PLEKHG1: variants seen among roughly 807,000 people sequenced by gnomAD.
The protein encoded by PLEKHG1 is pleckstrin homology and RhoGEF domain containing G1.
PLEKHG1 carries 44 observed loss-of-function variants against 100.8 expected under a neutral mutation model. That is an observed-to-expected ratio of 0.44 (90% CI 0.34 to 0.56). The LOEUF is 0.56. Among genes scored for constraint, PLEKHG1 ranks in the 20% least tolerant of loss-of-function variants. The pLI is 0.01. For synonymous variants in PLEKHG1, 640 were observed against 662.5 expected (o/e 0.97, Z 0.52); for missense variants, 1,545 against 1,720.9 (o/e 0.90, Z 1.81).
chr6:150,602,949 C>T (rs1776414698), intron 1 of PLEKHG1, among the ~76,000 whole-genome samples: 1 of 151,664 alleles, frequency 6.6e-6, no homozygotes, highest in Admixed American at 6.6e-5. Context: ...GGCGAGGTGG[C>T]GGGCACCTGT....
chr6:150,763,114 G>A lies in PLEKHG1; in HGVS notation c.412-5524G>A, dbSNP rs571329276. On this transcript the variant is annotated intron_variant, in intron 2 of 15. Transcript: ENST00000358517. The stretch of plus-strand genomic sequence containing the variant: ...ACAATCTCAACTCACTGCAACCTCC[G>A]CATCCCAGGTTCAAGCAATTCCCCT... Among the ~76,000 whole-genome samples the A allele has an allele frequency of 4.5e-5, 6 of 132,830 alleles. No homozygotes were observed. The East Asian group carries it at 7.2e-4, about 16-fold the overall frequency. The allele number at this position is 132,830 out of a possible 152,430, so 87.1% of individuals were successfully genotyped here.
chr6:150,655,171 T>C (rs554120948), intron 3 of PLEKHG1, among the ~76,000 whole-genome samples: 106 of 152,376 alleles, frequency 7.0e-4, no homozygotes, highest in African/African-American at 2.4e-3. Context: ...GGAATGCTTT[T>C]ACACTGCTGG....
At chr6:150,724,456 C>T (rs553002652) in intron 1 of PLEKHG1, among the ~76,000 whole-genome samples, 67 of 152,264 alleles carry the variant, frequency 4.4e-4, no homozygotes, top group African/African-American at 5.3e-4. Context: ...TCATCCCCCA[C>T]ACTAAGTCAC....
intron 2 of PLEKHG1, among the ~76,000 whole-genome samples, chr6:150,645,249 T>A (rs1373396577): frequency 6.6e-6 from 1 of 152,136 alleles, no homozygotes; most frequent in East Asian, 1.9e-4. Context: ...GACTCTGGGG[T>A]AATTGGTTAT....
chr6:150,827,974 A>T (rs554315907), intron 14 of PLEKHG1: 48 of 1,612,446 alleles, frequency 3.0e-5, no homozygotes, highest in Non-Finnish European at 4.0e-5. Flanking sequence ...GATTATGTTC[A>T]AGAAGTTACC....
At chr6:150,726,848 A>G (rs7755981) in intron 1 of PLEKHG1, among the ~76,000 whole-genome samples, 27,251 of 152,144 alleles carry the variant, frequency 0.18, 3,755 homozygotes, top group African/African-American at 0.38. Context: ...TATTGCTGTG[A>G]GGGAATAAAA....
chr6:150,840,777 T>C, exon 16 of PLEKHG1: 1 of 1,614,124 alleles, frequency 6.2e-7, no homozygotes, highest in Non-Finnish European at 8.5e-7. Context: ...TCTGACACCA[T>C]ATAATGATTC....
At chr6:150,837,212 A>G (rs759963125) in intron 15 of PLEKHG1, among the ~76,000 whole-genome samples, 30 of 151,902 alleles carry the variant, frequency 2.0e-4, no homozygotes, top group Admixed American at 3.3e-4. Flanking sequence ...AATTAGCAAC[A>G]CAGCAATACA....
chr6:150,652,492 G>T (rs1446031307), intron 3 of PLEKHG1, among the ~76,000 whole-genome samples: 1 of 152,080 alleles, frequency 6.6e-6, no homozygotes, highest in Non-Finnish European at 1.5e-5. Flanking sequence ...GGAGGCCGAG[G>T]GGGGTGGATC....
intron 15 of PLEKHG1, 48 bp downstream of exon 16, chr6:150,832,253 C>A: frequency 6.9e-7 from 1 of 1,455,320 alleles, no homozygotes; most frequent in Non-Finnish European, 9.2e-7. Context: ...GAGGGGAGAG[C>A]GGTTTTCAGA....
At chr6:150,610,371 G>T (rs1349966226) in intron 1 of PLEKHG1, among the ~76,000 whole-genome samples, 1 of 152,168 alleles carries the variant, frequency 6.6e-6, no homozygotes, top group African/African-American at 2.4e-5. Context: ...CGAAGTGTTG[G>T]GATTACAGGT....
intron 3 of PLEKHG1, among the ~76,000 whole-genome samples, chr6:150,783,766 T>C (rs1785457130): frequency 6.6e-6 from 1 of 152,228 alleles, no homozygotes; most frequent in Non-Finnish European, 1.5e-5. Flanking sequence ...TTTTATTATG[T>C]TTTGTTTGCC....
chr6:150,703,611 A>AAAC (rs1478589753), intron 3 of PLEKHG1, among the ~76,000 whole-genome samples: 15 of 149,270 alleles, frequency 1.0e-4, no homozygotes, highest in African/African-American at 3.5e-4. Flanking sequence ...AAAAAAAAAA[A>AAAC]AAACAAAACA....
At position 150,831,403 on chromosome 6, in the gene PLEKHG1, G is replaced by T. The variant is rs774155461; in HGVS notation, c.2292G>T (p.Lys764Asn). 6.2e-7 allele frequency: 1 copy of T among 1,614,142 alleles called. No homozygotes were observed. Among genetic ancestry groups the T allele is most frequent in the Non-Finnish European group, 8.5e-7 (1 of 1,180,044 alleles). Residue 764 changes from lysine to asparagine, a missense_variant, in exon 15 of 16, where the codon AAG becomes AAT. By Grantham distance (94) the Lys-to-Asn change is moderately conservative. Coordinates refer to ENST00000358517, the Ensembl canonical transcript of PLEKHG1. The surrounding 1 kb of genome is among the most constrained non-coding windows in gnomAD (Gnocchi z 4.1). ...AGTGCAGCAGCCTAAAGCGTGCAAAGCGGAGCACCTTTTTGGGTCTGGAGG... is the reference window on the plus strand; with the variant it reads ...AGTGCAGCAGCCTAAAGCGTGCAAATCGGAGCACCTTTTTGGGTCTGGAGG...
chr6:150,791,415 A>G (rs1253188323), intron 4 of PLEKHG1, among the ~76,000 whole-genome samples: 3 of 152,130 alleles, frequency 2.0e-5, no homozygotes, highest in Non-Finnish European at 2.9e-5. Context: ...TAATCTCAGC[A>G]CTTTGGGAGG....
At chr6:150,714,615 T>A (rs75760189) in intron 3 of PLEKHG1, among the ~76,000 whole-genome samples, 3,223 of 152,294 alleles carry the variant, frequency 0.021, 126 homozygotes, top group African/African-American at 0.073. Flanking sequence ...GCCTCAATAC[T>A]GACATTTAGT....
intron 1 of PLEKHG1, among the ~76,000 whole-genome samples, chr6:150,610,168 C>A (rs930112520): frequency 6.6e-6 from 1 of 152,198 alleles, no homozygotes; most frequent in Non-Finnish European, 1.5e-5. Context: ...GTGGTGCGAT[C>A]TCAGCTCACT....
Position 150,831,250 on chromosome 6 carries a change from T to C in PLEKHG1, c.2139T>C (p.Leu713=). Residue 713 remains leucine (L), a synonymous_variant, in exon 15 of 16, where the codon CTT becomes CTC. Transcript: ENST00000358517. The surrounding 1 kb of genome is among the most constrained non-coding windows in gnomAD (Gnocchi z 4.1). ...AAGCTGGCCACAGTAAGGGCTCTCT[T>C]TACGCACAAACAGATGGCACCCTCT... 1 of 1,614,030 alleles carries C rather than the reference T, an allele frequency of 6.2e-7. No individual in the cohort carries two copies. Among genetic ancestry groups the C allele is most frequent in the Non-Finnish European group, 8.5e-7 (1 of 1,180,010 alleles).
chr6:150,806,247 T>TTTG (rs1491417584), intron 7 of PLEKHG1, among the ~76,000 whole-genome samples: 1 of 134,094 alleles, frequency 7.5e-6, no homozygotes, highest in Non-Finnish European at 1.5e-5. Context: ...TTTTTTTTTT[T>TTTG]GCAACAGCAA....
Sources: allele counts gnomAD v4.1 joint callset (sites outside exome capture counted in the v4.1 genomes callset), GRCh38; gene constraint gnomAD v4.1.1; non-coding constraint Gnocchi (gnomAD v3.1); transcripts MANE v1.5; gene names NCBI Gene and HGNC (gene_info 2026-07-23, HGNC 2026-07-21).